EVI5: variants seen among roughly 807,000 people sequenced by gnomAD.
The protein encoded by EVI5 is ecotropic viral integration site 5, also known as ecotropic viral integration site 5 protein homolog.
EVI5 carries 73 observed loss-of-function variants against 112.0 expected under a neutral mutation model. That is an observed-to-expected ratio of 0.65 (90% CI 0.54 to 0.79). The LOEUF is 0.79. Among genes scored for constraint, EVI5 ranks in the 30% least tolerant of loss-of-function variants. The pLI is 0.00. For synonymous variants in EVI5, 305 were observed against 319.9 expected (o/e 0.95, Z 0.50); for missense variants, 900 against 968.8 (o/e 0.93, Z 0.94).
At chr1:92,550,730 G>C (rs1666667773) in intron 19 of EVI5, among the ~76,000 whole-genome samples, 1 of 79,224 alleles carries the variant, frequency 1.3e-5, no homozygotes, top group South Asian at 5.4e-4. Context: ...CTGGGCAACA[G>C]AGCGAGACTC....
At chr1:92,531,959 G>A (rs1277857390) in intron 19 of EVI5, among the ~76,000 whole-genome samples, 1 of 152,114 alleles carries the variant, frequency 6.6e-6, no homozygotes, top group Non-Finnish European at 1.5e-5. Context: ...AAACATAAAT[G>A]GGCTAAATGC....
At chr1:92,786,253 A>C (rs1265917056), upstream of EVI5, among the ~76,000 whole-genome samples, 4 of 135,518 alleles carry the variant, frequency 3.0e-5, no homozygotes, top group Admixed American at 3.0e-4. Flanking sequence ...AAAAAAAAAA[A>C]ACCTTACTTT....
chr1:92,530,072 G>A (rs1662600800), intron 19 of EVI5, among the ~76,000 whole-genome samples: 1 of 152,132 alleles, frequency 6.6e-6, no homozygotes, highest in South Asian at 2.1e-4. Context: ...TCTCTCTTCT[G>A]TTAGACCCTT....
intron 2 of EVI5, among the ~76,000 whole-genome samples, chr1:92,706,715 G>A (rs946901527): frequency 2.0e-5 from 3 of 152,114 alleles, no homozygotes; most frequent in African/African-American, 4.8e-5. Context: ...TTAACCTTCC[G>A]AGAACATTGA....
chr1:92,774,132 A>G (rs1402333506), intron 1 of EVI5: 1 of 152,218 alleles, frequency 6.6e-6, no homozygotes, highest in Non-Finnish European at 1.5e-5. Flanking sequence ...ACTGCAGATA[A>G]GGGAGGACTA....
intron 18 of EVI5, among the ~76,000 whole-genome samples, chr1:92,583,086 T>C (rs1022805674): frequency 3.9e-5 from 6 of 152,210 alleles, no homozygotes; most frequent in African/African-American, 1.4e-4. Flanking sequence ...TATAATTTGC[T>C]TTTTTCACCT....
At chr1:92,777,847 G>A (rs1217203010) in intron 1 of EVI5, among the ~76,000 whole-genome samples, 3 of 151,704 alleles carry the variant, frequency 2.0e-5, no homozygotes, top group African/African-American at 4.8e-5. Context: ...TGAGACAATA[G>A]CAACAAAATT....
In EVI5 at chr1:92,522,883, G is replaced by T. The variant is rs139121491; in HGVS notation, c.2167-8913C>A. Among the ~76,000 whole-genome samples, 116 of 151,210 alleles carry T rather than the reference G, an allele frequency of 7.7e-4. 2 individuals carry two copies. The East Asian group carries it at 0.021, about 27-fold the overall frequency. ...AGTGATCCTCCTGCCTCAGGCTCCT[G>T]AGTAGCTAGGAATACAGGAACACTC... On this transcript the variant is annotated intron_variant, in intron 19 of 19. Transcript: ENST00000684568.
chr1:92,621,979 G>A (rs1654690625), intron 16 of EVI5, among the ~76,000 whole-genome samples: 1 of 152,012 alleles, frequency 6.6e-6, no homozygotes, highest in South Asian at 2.1e-4. Flanking sequence ...AAATTAGCCA[G>A]GCGTGGTAGT....
At chr1:92,593,455 C>A (rs1174922187) in intron 18 of EVI5, among the ~76,000 whole-genome samples, 2 of 152,106 alleles carry the variant, frequency 1.3e-5, no homozygotes, top group Non-Finnish European at 2.9e-5. Context: ...AAACCCACAG[C>A]CAATATCATA....
intron 2 of EVI5, among the ~76,000 whole-genome samples, chr1:92,729,215 ATGG>A (rs1676074693): frequency 6.6e-6 from 1 of 152,220 alleles, no homozygotes; most frequent in African/African-American, 2.4e-5. Context: ...TACAAAAGTT[ATGG>A]TCACAATGTA....
At chr1:92,683,406 G>T (rs1572276084) in intron 9 of EVI5, among the ~76,000 whole-genome samples, 2 of 152,040 alleles carry the variant, frequency 1.3e-5, no homozygotes, top group Non-Finnish European at 2.9e-5. Context: ...CCCATCCATA[G>T]GTCACCAACA....
intron 2 of EVI5, among the ~76,000 whole-genome samples, chr1:92,716,485 A>T (rs1181521218): frequency 6.6e-6 from 1 of 152,370 alleles, no homozygotes; most frequent in East Asian, 1.9e-4. Flanking sequence ...TCAAAGACCA[A>T]AGGTAGATAA....
At chr1:92,665,751 AC>A (rs1664779895) in intron 11 of EVI5, among the ~76,000 whole-genome samples, 187 bp downstream of exon 11, 1 of 152,218 alleles carries the variant, frequency 6.6e-6, no homozygotes, top group Non-Finnish European at 1.5e-5. Context: ...AAGTTTAAGA[AC>A]CAGTACAACT....
At chr1:92,607,554 AC>A (rs775916848) in intron 17 of EVI5, 26 bp downstream of exon 17, 64 of 1,519,878 alleles carry the variant, frequency 4.2e-5, no homozygotes, top group Admixed American at 4.6e-5. Flanking sequence ...TTGACAAAAA[AC>A]AAAATCAGTT....
At chr1:92,559,278 C>T (rs1668148626) in intron 19 of EVI5, among the ~76,000 whole-genome samples, 1 of 152,192 alleles carries the variant, frequency 6.6e-6, no homozygotes, top group African/African-American at 2.4e-5. Flanking sequence ...TCCACTGATG[C>T]AAAATCCACG....
chr1:92,607,531 A>G, intron 17 of EVI5, 50 bp downstream of exon 17: 2 of 1,259,268 alleles, frequency 1.6e-6, no homozygotes, highest in East Asian at 2.6e-5. Flanking sequence ...AACAAAAAAA[A>G]GGCATTATTA....
rs115330385 is a variant in EVI5, at chr1:92,714,779, G to A, written c.150-10035C>T. Among the ~76,000 whole-genome samples, 667 of 152,120 alleles carry A rather than the reference G, an allele frequency of 4.4e-3. 5 individuals are homozygous for A. Among genetic ancestry groups the A allele is most frequent in the African/African-American group, 0.015 (633 of 41,496 alleles). On this transcript the variant is annotated intron_variant, in intron 2 of 19. Coordinates refer to ENST00000684568, the MANE Select transcript of EVI5 (RefSeq NM_001350197.2). ...TAATTCTTTTATTTTCTGTACTGAT[G>A]GGGTCTTGCAAATGTTGCCCAGGCT...
Position 92,510,983 on chromosome 1 carries a change from G to C in EVI5, c.*2673C>G, listed in dbSNP as rs1659151385. On this transcript the variant is annotated 3_prime_UTR_variant, in exon 20 of 20. Coordinates refer to ENST00000684568, the MANE Select transcript of EVI5 (RefSeq NM_001350197.2). ...TTGGACATTGATAGCTTTCTGGGCT[G>C]ATAGTATAGAACTCCGAACAAAAAT... 1 of 152,184 alleles carries C rather than the reference G, an allele frequency of 6.6e-6. No homozygotes were observed. Among genetic ancestry groups the C allele is most frequent in the African/African-American group, 2.4e-5 (1 of 41,434 alleles). 9.4% of individuals were successfully genotyped at this position (152,184 alleles called of 1,614,324 possible). A position where few individuals can be genotyped will look rare whatever the true frequency, so the allele number is the denominator to read the frequency against.
Sources: gnomAD v4.1 joint callset for allele counts (sites outside exome capture counted in the v4.1 genomes callset) on GRCh38, gnomAD v4.1.1 for gene constraint, MANE v1.5 for transcripts, NCBI Gene and HGNC (gene_info 2026-07-23, HGNC 2026-07-21) for gene names.